Variants in CEP135 observed in about 807,000 individuals in gnomAD.
The protein encoded by CEP135 is centrosomal protein 135, also known as centrosomal protein of 135 kDa.
CEP135 carries 142 observed loss-of-function variants against 157.3 expected under a neutral mutation model. The observed-to-expected ratio is 0.90, with a 90% CI of 0.79 to 1.04. The LOEUF (loss-of-function observed/expected upper bound fraction) is 1.04, where lower values mean the gene tolerates loss of function less well. Ranked by LOEUF, CEP135 falls within the 50% of genes least tolerant of loss-of-function variation. The pLI is 0.00. For missense variants in CEP135, 1,317 were observed against 1,309.2 expected, an observed-to-expected ratio of 1.01 and a Z score of -0.09; for synonymous variants, 396 against 439.8, an observed-to-expected ratio of 0.90 and a Z score of 1.25.
rs150331261 is a variant in CEP135, at chr4:55,959,705, T to C, written c.638T>C (p.Val213Ala). 632 of 1,614,058 alleles carry C rather than the reference T, an allele frequency of 3.9e-4. 1 individual carries two copies. In the African/African-American group the frequency reaches 7.6e-3, roughly 19 times the overall value. The change falls in exon 6 of 26, where the codon GTC becomes GCC. Residue 213 changes from valine (V) to alanine (A), a missense_variant. Physicochemically the swap from Val to Ala is moderately conservative, Grantham distance 64. Coordinates refer to ENST00000257287, the MANE Select transcript of CEP135 (RefSeq NM_025009.5). ...AGGATTCAAGAACTTCAACAGGAAG[T>C]CCACCAGCTACAAGAAAAGTTAGCA... Reference protein sequence around the residue: ...DNRIQELQQEVHQLQEKLAMM... With the variant: ...DNRIQELQQEAHQLQEKLAMM...
At chr4:55,975,010 T>A (rs765700089) in intron 11 of CEP135, 41 bp downstream of exon 11, 1 of 1,395,214 alleles carries the variant, frequency 7.2e-7, no homozygotes, top group Admixed American at 2.3e-5. Flanking sequence ...AGTATCTTTA[T>A]GAATAAATTT....
intron 10 of CEP135, among the ~76,000 whole-genome samples, chr4:55,973,299 C>T (rs1466733331): frequency 2.0e-5 from 3 of 152,200 alleles, no homozygotes; most frequent in Non-Finnish European, 4.4e-5. Flanking sequence ...AAATCTTACA[C>T]TGTTCTCTTA....
intron 25 of CEP135, among the ~76,000 whole-genome samples, chr4:56,026,576 C>G (rs1731166885): frequency 6.6e-6 from 1 of 152,210 alleles, no homozygotes; most frequent in Non-Finnish European, 1.5e-5. Context: ...AATCCAATTA[C>G]TCCTCCTTCT....
chr4:55,967,114 T>TA (rs1028303157), intron 8 of CEP135, among the ~76,000 whole-genome samples: 1 of 151,692 alleles, frequency 6.6e-6, no homozygotes, highest in African/African-American at 2.4e-5. Context: ...TTTTTTTATT[T>TA]AAAAAAAATT....
intron 17 of CEP135, 60 bp downstream of exon 17, chr4:55,999,705 G>A: frequency 6.6e-7 from 1 of 1,526,166 alleles, no homozygotes; most frequent in Non-Finnish European, 8.8e-7. Flanking sequence ...TTTTGTTTTT[G>A]TTTTTGAGAT....
intron 9 of CEP135, among the ~76,000 whole-genome samples, chr4:55,969,481 T>C (rs1282345441): frequency 1.3e-5 from 2 of 151,628 alleles, no homozygotes; most frequent in Admixed American, 1.3e-4. Context: ...GTTTTATTGC[T>C]CAGCTCCTGA....
intron 14 of CEP135, among the ~76,000 whole-genome samples, chr4:55,989,780 A>C (rs1340174421): frequency 6.6e-6 from 1 of 152,240 alleles, no homozygotes; most frequent in Non-Finnish European, 1.5e-5. Flanking sequence ...AAGGCATTAG[A>C]AATTATCAAG....
Position 55,959,772 on chromosome 4 carries a change from A to C in CEP135, c.699+6A>C. ...TGAGAGACTATAGCAAGCAGGTAGGATTTTTATTTACTTGCATAGTAGGGA... is the reference window on the plus strand; with the variant it reads ...TGAGAGACTATAGCAAGCAGGTAGGCTTTTTATTTACTTGCATAGTAGGGA... On this transcript the variant is annotated splice_donor_region_variant and intron_variant, in intron 6 of 25. Coordinates refer to ENST00000257287, the MANE Select transcript of CEP135 (RefSeq NM_025009.5). The C allele has an allele frequency of 3.1e-6, 5 of 1,604,144 alleles. No homozygotes were observed. The highest frequency in any genetic ancestry group is 4.3e-6 in the Non-Finnish European group (5 of 1,171,016).
At chr4:55,971,814 T>C (rs1729035359) in intron 10 of CEP135, among the ~76,000 whole-genome samples, 1 of 152,184 alleles carries the variant, frequency 6.6e-6, no homozygotes, top group Admixed American at 6.5e-5. Context: ...AGGCTAACTT[T>C]CTACAGGTAC....
chr4:55,975,686 A>G (rs1189116858), intron 11 of CEP135, among the ~76,000 whole-genome samples: 2 of 152,058 alleles, frequency 1.3e-5, no homozygotes, highest in African/African-American at 4.8e-5. Flanking sequence ...TAAGCTTTGG[A>G]GTTCAGGAGT....
At chr4:55,968,648 A>C (rs529098266) in intron 8 of CEP135, among the ~76,000 whole-genome samples, 1 of 152,202 alleles carries the variant, frequency 6.6e-6, no homozygotes, top group East Asian at 1.9e-4. Flanking sequence ...TGGCTCAACA[A>C]AATGTTCCTA....
chr4:56,024,591 T>A lies in CEP135; in HGVS notation c.3411T>A (p.His1137Gln), dbSNP rs375978615. Residue 1137 changes from histidine to glutamine, a missense_variant, in exon 25 of 26, where the codon CAT (histidine) becomes CAA (glutamine). Transcript: ENST00000257287. ...TLRSPSHSPE[H>Q]RNV ...GGTCTCCTTCACATTCTCCTGAACA[T>A]AGAAATGTGTAATTATCAGAAAGGT... 44 of 1,608,502 alleles carry A rather than the reference T, an allele frequency of 2.7e-5. No homozygotes were observed. The highest frequency in any genetic ancestry group is 3.5e-5 in the Non-Finnish European group (41 of 1,175,186).
At chr4:56,006,049 A>G (rs559340317) in intron 17 of CEP135, among the ~76,000 whole-genome samples, 3 of 152,190 alleles carry the variant, frequency 2.0e-5, no homozygotes, top group Admixed American at 2.0e-4. Flanking sequence ...AGTTTATTAT[A>G]TGCCTTGGGG....
At chr4:55,953,772 G>T (rs1020496860) in intron 3 of CEP135, among the ~76,000 whole-genome samples, 1 of 152,090 alleles carries the variant, frequency 6.6e-6, no homozygotes, top group Non-Finnish European at 1.5e-5. Flanking sequence ...TAGTAAATAA[G>T]GTGAAAACCA....
At chr4:56,011,162 A>T (rs1379804778) in intron 19 of CEP135, among the ~76,000 whole-genome samples, 1 of 152,074 alleles carries the variant, frequency 6.6e-6, no homozygotes, top group African/African-American at 2.4e-5. Flanking sequence ...TTGAGCCCAG[A>T]AGGTCGAGGC....
chr4:56,031,131 C>CTAAATAAA (rs558510777), intron 25 of CEP135, among the ~76,000 whole-genome samples: 35 of 151,596 alleles, frequency 2.3e-4, no homozygotes, highest in East Asian at 7.8e-4. Context: ...GACCCTATCT[C>CTAAATAAA]TAAATAAATA....
chr4:56,002,303 C>T (rs918745491), intron 17 of CEP135, among the ~76,000 whole-genome samples: 1 of 152,028 alleles, frequency 6.6e-6, no homozygotes, highest in Non-Finnish European at 1.5e-5. Flanking sequence ...TGAAAGTGGG[C>T]ATCCTTGGCT....
chr4:55,981,343 T>G lies in CEP135; in HGVS notation c.1743T>G (p.Ile581Met). Reference sequence around the variant, plus strand: ...TTGCGTTATCTGACTTAAGAAGAATTATGGCAGAAAAGGAAGCTTTAAGAG... The same window carrying G: ...TTGCGTTATCTGACTTAAGAAGAATGATGGCAGAAAAGGAAGCTTTAAGAG... ...KELALSDLRR[I>M]MAEKEALREK... Residue 581 changes from isoleucine to methionine, a missense_variant, in exon 13 of 26, where the codon ATT becomes ATG. Coordinates refer to ENST00000257287, the MANE Select transcript of CEP135 (RefSeq NM_025009.5). 1 of 1,586,834 alleles carries G rather than the reference T, an allele frequency of 6.3e-7. No individual in the cohort carries two copies. The highest frequency in any genetic ancestry group is 8.5e-7 in the Non-Finnish European group (1 of 1,172,238).
intron 15 of CEP135, among the ~76,000 whole-genome samples, chr4:55,995,982 G>A (rs2109708342): frequency 6.6e-6 from 1 of 152,278 alleles, no homozygotes; most frequent in South Asian, 2.1e-4. Context: ...TGCTGTAGCA[G>A]ATTTTCCTGG....
Sources: allele counts gnomAD v4.1 joint callset (sites outside exome capture counted in the v4.1 genomes callset), GRCh38; gene constraint gnomAD v4.1.1; transcripts MANE v1.5; gene names NCBI Gene and HGNC (gene_info 2026-07-23, HGNC 2026-07-21).